The following CDH12 variants were observed in gnomAD, a reference collection of about 807,000 sequenced individuals.
The protein encoded by CDH12 is cadherin-12.
Under a neutral mutation model 74.1 loss-of-function variants are expected in CDH12, and 41 were observed. The ratio of observed to expected loss-of-function variants is 0.55; its 90% CI spans 0.43 to 0.72. CDH12 has a LOEUF of 0.72. CDH12 is among the 30% of genes least tolerant of loss of function. The pLI, the probability that CDH12 is intolerant of heterozygous loss-of-function variation, is 0.00. For missense variants in CDH12, 945 were observed against 977.2 expected, an observed-to-expected ratio of 0.97 and a Z score of 0.44; for synonymous variants, 399 against 355.0, an observed-to-expected ratio of 1.12 and a Z score of -1.39.
At chr5:22,155,067 C>G (rs1175926686) in intron 4 of CDH12, among the ~76,000 whole-genome samples, 5 of 152,094 alleles carry the variant, frequency 3.3e-5, no homozygotes, top group Non-Finnish European at 7.3e-5. Flanking sequence ...TGCCACAGGC[C>G]CCTTCCGTTT....
At chr5:21,990,562 G>C (rs1438358950) in intron 5 of CDH12, among the ~76,000 whole-genome samples, 1 of 151,852 alleles carries the variant, frequency 6.6e-6, no homozygotes, top group African/African-American at 2.4e-5. Flanking sequence ...ATCCAAATAA[G>C]CCCAGTATAG....
chr5:22,126,809 C>T (rs1396948195), intron 4 of CDH12, among the ~76,000 whole-genome samples: 1 of 152,138 alleles, frequency 6.6e-6, no homozygotes, highest in Non-Finnish European at 1.5e-5. Context: ...GCCTTGCAAC[C>T]TCCAAGCGGC....
At chr5:21,886,608 CTT>C (rs1391313063) in intron 6 of CDH12, among the ~76,000 whole-genome samples, 2 of 147,828 alleles carry the variant, frequency 1.4e-5, no homozygotes, top group Admixed American at 6.8e-5. Flanking sequence ...ATATAAAACT[CTT>C]TGAGGTTTTG....
chr5:21,940,452 T>A (rs1755279611), intron 6 of CDH12, among the ~76,000 whole-genome samples: 1 of 152,194 alleles, frequency 6.6e-6, no homozygotes, highest in African/African-American at 2.4e-5. Flanking sequence ...TACTAAATTG[T>A]CTCCACATGG....
chr5:21,919,596 C>A (rs532668089), intron 6 of CDH12, among the ~76,000 whole-genome samples: 1 of 152,090 alleles, frequency 6.6e-6, no homozygotes, highest in Non-Finnish European at 1.5e-5. Context: ...CCCCTAGCCA[C>A]GTGCAGTATT....
intron 6 of CDH12, among the ~76,000 whole-genome samples, chr5:21,921,629 G>C (rs1661007247): frequency 6.6e-6 from 1 of 152,126 alleles, no homozygotes; most frequent in Non-Finnish European, 1.5e-5. Context: ...CCAATGATCA[G>C]ATGAAAAAGA....
intron 1 of CDH12, among the ~76,000 whole-genome samples, chr5:22,703,883 T>G (rs1390512778): frequency 6.6e-6 from 1 of 152,214 alleles, no homozygotes; most frequent in African/African-American, 2.4e-5. Context: ...ATGACTGTAT[T>G]ATGTATACAT....
intron 1 of CDH12, among the ~76,000 whole-genome samples, chr5:22,662,121 C>CAT (rs1230320317): frequency 6.6e-6 from 1 of 152,114 alleles, no homozygotes; most frequent in Admixed American, 6.6e-5. Context: ...ACTACCTAAT[C>CAT]ATACCAAAAA....
At chr5:22,503,460 T>C (rs1300217523) in intron 2 of CDH12, among the ~76,000 whole-genome samples, 1 of 152,084 alleles carries the variant, frequency 6.6e-6, no homozygotes, top group African/African-American at 2.4e-5. Flanking sequence ...TGTTCTTGAT[T>C]ATCACTCTCT....
intron 7 of CDH12, among the ~76,000 whole-genome samples, chr5:21,847,087 A>G (rs1422786800): frequency 6.6e-6 from 1 of 152,026 alleles, no homozygotes; most frequent in Admixed American, 6.6e-5. Context: ...GAGCTCCTCC[A>G]CTCTGAAGTC....
At chr5:22,633,282 A>C (rs2126859626) in intron 1 of CDH12, among the ~76,000 whole-genome samples, 1 of 152,318 alleles carries the variant, frequency 6.6e-6, no homozygotes, top group African/African-American at 2.4e-5. Context: ...AGGCAAAGGT[A>C]ATAACTCAGG....
chr5:22,365,838 T>G (rs1016521646), intron 3 of CDH12, among the ~76,000 whole-genome samples: 19 of 152,328 alleles, frequency 1.2e-4, no homozygotes, highest in Admixed American at 7.8e-4. Flanking sequence ...ACTATTGTAT[T>G]AATTAGAAAA....
intron 1 of CDH12, among the ~76,000 whole-genome samples, chr5:22,536,429 G>A (rs907132532): frequency 2.0e-5 from 3 of 152,074 alleles, no homozygotes; most frequent in Non-Finnish European, 4.4e-5. Flanking sequence ...TGTTGTGGTC[G>A]TGGTGGTGGT....
intron 2 of CDH12, among the ~76,000 whole-genome samples, chr5:22,430,477 G>C (rs930933614): frequency 6.6e-6 from 1 of 152,080 alleles, no homozygotes; most frequent in Non-Finnish European, 1.5e-5. Flanking sequence ...ATAGGAAATT[G>C]TGATAAAAAT....
chr5:22,055,448 A>G (rs1740670452), intron 5 of CDH12, among the ~76,000 whole-genome samples: 1 of 152,148 alleles, frequency 6.6e-6, no homozygotes, highest in African/African-American at 2.4e-5. Context: ...TTCTAAGCTC[A>G]TATTTTACTT....
At chr5:22,461,269 T>A (rs1330132920) in intron 2 of CDH12, among the ~76,000 whole-genome samples, 2 of 151,714 alleles carry the variant, frequency 1.3e-5, no homozygotes, top group African/African-American at 4.8e-5. Context: ...CTCAAGTCAT[T>A]CACCTGCTTT....
At chr5:22,105,651 T>C (rs1014787123) in intron 4 of CDH12, among the ~76,000 whole-genome samples, 7 of 151,628 alleles carry the variant, frequency 4.6e-5, no homozygotes, top group East Asian at 2.0e-4. Flanking sequence ...TGGGCTGAGA[T>C]TGTGCCACTG....
chr5:22,577,935 C>G (rs1580782569), intron 1 of CDH12, among the ~76,000 whole-genome samples: 3 of 152,192 alleles, frequency 2.0e-5, no homozygotes, highest in Admixed American at 2.0e-4. Flanking sequence ...TAATGTAGTC[C>G]CAAATTAACC....
chr5:21,947,824 T>C (rs1755648716), intron 6 of CDH12, among the ~76,000 whole-genome samples: 2 of 152,142 alleles, frequency 1.3e-5, no homozygotes, highest in African/African-American at 4.8e-5. Context: ...GAAAAAAGGT[T>C]TCATGGGCTG....
Sources: allele counts gnomAD v4.1 joint callset (sites outside exome capture counted in the v4.1 genomes callset), GRCh38; gene constraint gnomAD v4.1.1; transcripts MANE v1.5; gene names NCBI Gene and HGNC (gene_info 2026-07-23, HGNC 2026-07-21).